Variants in OGT observed in about 807,000 individuals in gnomAD.
OGT encodes UDP-N-acetylglucosamine--peptide N-acetylglucosaminyltransferase 110 kDa subunit.
Under a neutral mutation model 75.8 loss-of-function variants are expected in OGT, and 3 were observed. That is an observed-to-expected ratio of 0.04 (90% confidence interval 0.02 to 0.10). The LOEUF is 0.10. OGT is among the 10% of genes least tolerant of loss of function. The pLI, the probability that OGT is intolerant of heterozygous loss-of-function variation, is 1.00. For missense variants in OGT, 260 were observed against 824.4 expected, an observed-to-expected ratio of 0.32 and a Z score of 8.38; for synonymous variants, 257 against 289.7, an observed-to-expected ratio of 0.89 and a Z score of 1.15.
At chrX:71,558,620 G>T (rs1285517275) in intron 12 of OGT, among the ~76,000 whole-genome samples, 2 of 110,274 alleles carry the variant, frequency 1.8e-5, no homozygotes, top group Non-Finnish European at 1.9e-5. Context: ...GCCTCCCAAA[G>T]TGCTGGGATT....
intron 2 of OGT, chrX:71,536,962 G>GTTTTT (rs1195640430): frequency 1.1e-3 from 133 of 122,541 alleles, no homozygotes; most frequent in Middle Eastern, 3.9e-3. Flanking sequence ...AATGTGGTGG[G>GTTTTT]TTTTTTTTTT....
chrX:71,548,386 G>A (rs2040276938), intron 5 of OGT, among the ~76,000 whole-genome samples: 1 of 111,394 alleles, frequency 9.0e-6, no homozygotes, highest in East Asian at 2.8e-4. Context: ...GCAGTGAGCT[G>A]TGACCATGCC....
chrX:71,562,044 G>A, intron 15 of OGT, 144 bp downstream of exon 15: 1 of 546,637 alleles, frequency 1.8e-6, no homozygotes, highest in Admixed American at 4.4e-5. Flanking sequence ...GAAATGCACA[G>A]GACAAAAAGA....
At chrX:71,547,359 A>T in intron 4 of OGT, 1 of 686,119 alleles carries the variant, frequency 1.5e-6, no homozygotes, top group South Asian at 7.5e-5. Context: ...TGGTCAACTA[A>T]GTTCAGGGAA....
intron 12 of OGT, among the ~76,000 whole-genome samples, chrX:71,559,064 C>T (rs1232211016): frequency 9.3e-6 from 1 of 107,293 alleles, no homozygotes; most frequent in Non-Finnish European, 1.9e-5. Context: ...TTTGCTCATG[C>T]TTTATAGATC....
chrX:71,551,017 C>T (rs2040300274), intron 5 of OGT, among the ~76,000 whole-genome samples: 1 of 110,912 alleles, frequency 9.0e-6, no homozygotes, highest in Middle Eastern at 4.6e-3. Flanking sequence ...ATGTATATTT[C>T]AAAATTGCAA....
At chrX:71,543,026 G>A (rs2040230944) in intron 3 of OGT, among the ~76,000 whole-genome samples, 1 of 111,359 alleles carries the variant, frequency 9.0e-6, no homozygotes. Flanking sequence ...GGAGATGATG[G>A]AACTGACCCA....
chrX:71,557,041 C>G lies in OGT; in HGVS notation c.1256C>G (p.Thr419Arg). Reference protein sequence around the residue: ...QDVQGALQCYTRAIQINPAFA... With the variant: ...QDVQGALQCYRRAIQINPAFA... ...GTTCAGGGAGCCTTGCAGTGTTATA[C>G]GCGTGCCATCCAAATTAATCCTGCA... is the stretch of plus-strand genomic sequence containing the variant. The change falls in exon 10 of 22, where the codon ACG (threonine) becomes AGG (arginine). Residue 419 changes from threonine to arginine, a missense_variant. This residue lies in a region of OGT where 99 missense variants were observed against 417.9 expected (regional missense o/e 0.24). Coordinates refer to ENST00000373719, the MANE Select transcript of OGT (RefSeq NM_181672.3). The G allele has an allele frequency of 8.3e-7, 1 of 1,209,965 alleles. No homozygotes were observed. The highest frequency in any genetic ancestry group is 1.8e-5 in the South Asian group (1 of 56,947).
chrX:71,572,684 T>C (rs2040467167), intron 21 of OGT, among the ~76,000 whole-genome samples: 1 of 111,586 alleles, frequency 9.0e-6, no homozygotes, highest in African/African-American at 3.3e-5. Flanking sequence ...GGAGGATTGC[T>C]TGAGCTAAGG....
chrX:71,557,953 CT>C lies in OGT; in HGVS notation c.1602+289del, dbSNP rs1332653132. On this transcript the variant is annotated intron_variant, in intron 12 of 21. Coordinates refer to ENST00000373719, the MANE Select transcript of OGT (RefSeq NM_181672.3). ...AAGCCATAATTTTTTTTTCTTTTATCTTTTTTTTCTTTTTTTTTTGAGACGG... is the reference window on the plus strand; with the variant it reads ...AAGCCATAATTTTTTTTTCTTTTATCTTTTTTTCTTTTTTTTTTGAGACGG... Among the ~76,000 whole-genome samples the C allele has an allele frequency of 3.7e-5, 4 of 108,669 alleles. 1 individual carries two copies. The South Asian group carries it at 1.6e-3, about 43-fold the overall frequency. The allele number at this position is 108,669 out of a possible 115,157, so 94.4% of individuals were successfully genotyped here.
chrX:71,555,108 ACCAT>A (rs2040333104), intron 6 of OGT, 78 bp from the exon 7 acceptor site: 6 of 739,687 alleles, frequency 8.1e-6, no homozygotes, highest in East Asian at 3.4e-5. Flanking sequence ...GTTGTAACAA[ACCAT>A]CCATTAAGCA....
intron 12 of OGT, 137 bp downstream of exon 12, chrX:71,557,809 C>A: frequency 2.0e-6 from 1 of 488,821 alleles, no homozygotes; most frequent in Non-Finnish European, 3.3e-6. Flanking sequence ...TTTTGTGGGC[C>A]ACTTCAGAAC....
At chrX:71,555,529 C>A in intron 7 of OGT, 144 bp downstream of exon 7, 1 of 527,592 alleles carries the variant, frequency 1.9e-6, no homozygotes, top group Non-Finnish European at 3.0e-6. Context: ...CGAGACCAGC[C>A]TAGGCAACAT....
intron 3 of OGT, among the ~76,000 whole-genome samples, chrX:71,538,475 G>A (rs1482729853): frequency 3.6e-5 from 4 of 112,219 alleles, no homozygotes; most frequent in African/African-American, 1.3e-4. Context: ...GAAACAAGAT[G>A]CCACTATATG....
chrX:71,558,034 A>G (rs1219408496), intron 12 of OGT, among the ~76,000 whole-genome samples: 1 of 107,328 alleles, frequency 9.3e-6, no homozygotes, highest in Non-Finnish European at 1.9e-5. Flanking sequence ...GGCTTACTGC[A>G]GCCTTGACCT....
At chrX:71,544,759 G>T in intron 4 of OGT, 124 bp downstream of exon 4, 1 of 557,564 alleles carries the variant, frequency 1.8e-6, no homozygotes, top group Non-Finnish European at 3.0e-6. Flanking sequence ...GAAAACTGAC[G>T]GCACGAATCG....
At chrX:71,552,376 G>C in intron 5 of OGT, among the ~76,000 whole-genome samples, 1 of 106,563 alleles carries the variant, frequency 9.4e-6, no homozygotes, top group Middle Eastern at 4.7e-3. Context: ...AGAAATTGGA[G>C]CACTGAATGG....
chrX:71,535,756 AAT>A (rs1411807178), intron 1 of OGT, among the ~76,000 whole-genome samples: 2 of 111,962 alleles, frequency 1.8e-5, no homozygotes. Flanking sequence ...TACGTTTCCC[AAT>A]ATGTTATTCT....
chrX:71,536,471 C>A, intron 2 of OGT, 113 bp downstream of exon 2: 1 of 579,370 alleles, frequency 1.7e-6, no homozygotes, highest in Non-Finnish European at 2.5e-6. Flanking sequence ...TTCAACTGAG[C>A]CGCCAACGCA....
Sources: gnomAD v4.1 joint callset for allele counts (sites outside exome capture counted in the v4.1 genomes callset) on GRCh38, gnomAD v4.1.1 for gene constraint, gnomAD v4.1.1 regional missense constraint, MANE v1.5 for transcripts, NCBI Gene and HGNC (gene_info 2026-07-23, HGNC 2026-07-21) for gene names.